Variants in PTGDS observed in about 807,000 individuals in gnomAD.
PTGDS encodes the protein prostaglandin-H2 D-isomerase.
PTGDS carries 21 observed loss-of-function variants against 28.4 expected under a neutral mutation model. That is an observed-to-expected ratio of 0.74 (90% CI 0.52 to 1.07). The LOEUF (loss-of-function observed/expected upper bound fraction) is 1.07. Ranked by LOEUF, PTGDS falls within the 50% of genes least tolerant of loss-of-function variation. PTGDS has a pLI of 0.00. For synonymous variants in PTGDS, 102 were observed against 106.0 expected (o/e 0.96, Z 0.23); for missense variants, 243 against 247.7 (o/e 0.98, Z 0.13).
intron 1 of PTGDS, among the ~76,000 whole-genome samples, 198 bp downstream of exon 1, chr9:136,977,890 G>A (rs1307931126): frequency 6.6e-6 from 1 of 152,164 alleles, no homozygotes; most frequent in Admixed American, 6.5e-5. Flanking sequence ...GCCCTCCCTG[G>A]GCACCGCGTC....
chr9:136,980,124 A>T (rs780248448), intron 4 of PTGDS, 59 bp from the exon 5 acceptor site: 18 of 1,607,628 alleles, frequency 1.1e-5, no homozygotes, highest in Non-Finnish European at 1.5e-5. Flanking sequence ...CCCAAGACCC[A>T]GGGCAGGGCA....
At position 136,980,191 on chromosome 9, in the gene PTGDS, C is replaced by G; in HGVS notation, c.457C>G (p.Gln153Glu). The G allele has an allele frequency of 6.2e-7, 1 of 1,613,896 alleles. No homozygotes were observed. The highest frequency in any genetic ancestry group is 8.5e-7 in the Non-Finnish European group (1 of 1,179,968). ...TCTCCACCCTGTCCCAGGCCGAACC[C>G]AGACCCCCAGGGCTGAGTTAAAGGA... ...FRMATLYSRT[Q>E]TPRAELKEKF... The change falls in exon 5 of 7, where the codon CAG becomes GAG. Residue 153 changes from glutamine (Q) to glutamate (E), a missense_variant. Coordinates refer to ENST00000371625, the MANE Select transcript of PTGDS (RefSeq NM_000954.6).
At chr9:136,979,592 C>A in intron 3 of PTGDS, 1 of 803,302 alleles carries the variant, frequency 1.2e-6, no homozygotes, top group Non-Finnish European at 1.9e-6. Flanking sequence ...AAGGCCCCTC[C>A]ATATGCCTCC....
At chr9:136,977,787 G>A (rs1830386807) in intron 1 of PTGDS, 95 bp downstream of exon 1, 7 of 1,196,862 alleles carry the variant, frequency 5.8e-6, no homozygotes, top group Non-Finnish European at 8.1e-6. Flanking sequence ...AGGAGTGAGC[G>A]AAGTCCCGCA....
At chr9:136,980,780 A>T (rs752516418) in intron 5 of PTGDS, 53 bp from the exon 6 acceptor site, 1 of 1,613,778 alleles carries the variant, frequency 6.2e-7, no homozygotes, top group East Asian at 2.2e-5. Flanking sequence ...CCAGTGGGAA[A>T]ATTGGCCTAA....
rs752969980 is a variant in PTGDS, at chr9:136,978,873, G to A, written c.115-120G>A. ...GAGGGGCGTGGCTGCTCGGGGGATT[G>A]GGCGTGGGGGCGGGGCCGGGTTGGA... On this transcript the variant is annotated intron_variant, in intron 1 of 6. Coordinates refer to ENST00000371625, the MANE Select transcript of PTGDS (RefSeq NM_000954.6). 1.4e-5 allele frequency: 20 copies of A among 1,423,888 alleles called. No homozygotes were observed. In the East Asian group the frequency reaches 4.2e-4, roughly 30 times the overall value. The allele number at this position is 1,423,888 out of a possible 1,614,324, so 88.2% of individuals were successfully genotyped here.
chr9:136,980,739 C>G, intron 5 of PTGDS, 94 bp from the exon 6 acceptor site: 1 of 1,613,330 alleles, frequency 6.2e-7, no homozygotes, highest in Non-Finnish European at 8.5e-7. Flanking sequence ...TCAGTCAAGA[C>G]GAGCTCTGCG....
chr9:136,980,933 T>C (rs1830441372), intron 6 of PTGDS, 78 bp downstream of exon 6: 1 of 1,509,074 alleles, frequency 6.6e-7, no homozygotes, highest in East Asian at 2.4e-5. Context: ...CACTCTGCGA[T>C]GGGATGGATC....
At chr9:136,978,539 CG>C (rs1258199791) in intron 1 of PTGDS, among the ~76,000 whole-genome samples, 9 of 32,894 alleles carry the variant, frequency 2.7e-4, no homozygotes, top group Admixed American at 3.9e-4. Context: ...CGGGGCGGGG[CG>C]GGGGCCTGAT....
intron 5 of PTGDS, 70 bp from the exon 6 acceptor site, chr9:136,980,763 A>G (rs754675974): frequency 3.3e-5 from 53 of 1,613,922 alleles, no homozygotes; most frequent in Non-Finnish European, 4.2e-5. Flanking sequence ...CGGGAGGAAC[A>G]GGAAGCCCAG....
intron 5 of PTGDS, 131 bp downstream of exon 5, chr9:136,980,415 G>A: frequency 1.9e-6 from 2 of 1,054,414 alleles, no homozygotes; most frequent in Non-Finnish European, 2.7e-6. Context: ...GGGACAGAGG[G>A]GGTGAGTGTT....
Position 136,980,404 on chromosome 9 carries a change from A to G in PTGDS, c.550+120A>G, listed in dbSNP as rs542593709. The G allele has an allele frequency of 8.8e-4, 973 of 1,109,550 alleles. 4 individuals are homozygous for G. The highest frequency in any genetic ancestry group is 1.1e-3 in the Non-Finnish European group (880 of 779,152). The allele number at this position is 1,109,550 out of a possible 1,614,324, so 68.7% of individuals were successfully genotyped here. A position where few individuals can be genotyped will look rare whatever the true frequency, so the allele number is the denominator to read the frequency against. ...CCCCGCCCTGCTCGAGGCCTGGGCC[A>G]GGGACAGAGGGGGTGAGTGTTCAAG... On this transcript the variant is annotated intron_variant, in intron 5 of 6. Transcript: ENST00000371625.
chr9:136,981,599 G>A lies in PTGDS; in HGVS notation c.*21G>A, dbSNP rs952343988. On this transcript the variant is annotated 3_prime_UTR_variant, in exon 7 of 7. Coordinates refer to ENST00000371625, the MANE Select transcript of PTGDS (RefSeq NM_000954.6). Reference sequence around the variant, plus strand: ...CTCAGGACTCCCCAGGGCTGAAGCTGGGATCCCGGCCAGCCAGGTGACCCC... The same window carrying A: ...CTCAGGACTCCCCAGGGCTGAAGCTAGGATCCCGGCCAGCCAGGTGACCCC... 6.6e-6 allele frequency: 1 copy of A among 152,358 alleles called. No individual in the cohort carries two copies. The highest frequency in any genetic ancestry group is 2.4e-5 in the African/African-American group (1 of 41,410). 9.4% of individuals were successfully genotyped at this position (152,358 alleles called of 1,614,324 possible).
At position 136,977,505 on chromosome 9, in the gene PTGDS, C is replaced by A; in HGVS notation, c.-74C>A. ...ATAGGGGTCTCCTCAGTGCCCTCCG[C>A]TCCTCCTGCACACCTCCCTCGCTCT... On this transcript the variant is annotated 5_prime_UTR_variant, in exon 1 of 7. Coordinates refer to ENST00000371625, the MANE Select transcript of PTGDS (RefSeq NM_000954.6). The A allele has an allele frequency of 8.6e-7, 1 of 1,160,894 alleles. No individual in the cohort carries two copies. Among genetic ancestry groups the A allele is most frequent in the Non-Finnish European group, 1.2e-6 (1 of 827,512 alleles). 71.9% of individuals were successfully genotyped at this position (1,160,894 alleles called of 1,614,324 possible).
chr9:136,981,015 C>T, intron 6 of PTGDS, 160 bp downstream of exon 6: 3 of 1,066,516 alleles, frequency 2.8e-6, no homozygotes, highest in Non-Finnish European at 4.0e-6. Context: ...GGGCGGGAGA[C>T]ACTGGGGCTG....
intron 3 of PTGDS, 37 bp downstream of exon 3, chr9:136,979,336 T>TG: frequency 6.3e-7 from 1 of 1,594,962 alleles, no homozygotes; most frequent in Non-Finnish European, 8.5e-7. Flanking sequence ...GGGCCCAGCC[T>TG]GGGGGCGACA....
At chr9:136,978,550 T>C (rs1243142780) in intron 1 of PTGDS, among the ~76,000 whole-genome samples, 1 of 9,410 alleles carries the variant, frequency 1.1e-4, no homozygotes, top group African/African-American at 4.5e-4. Context: ...GGGGGCCTGA[T>C]GGGCGTGGTC....
intron 2 of PTGDS, 28 bp from the exon 3 acceptor site, chr9:136,979,195 C>G (rs1400608309): frequency 6.2e-7 from 1 of 1,613,022 alleles, no homozygotes; most frequent in East Asian, 2.2e-5. Context: ...CGGGCCTAAC[C>G]CCTGACCCTG....
In PTGDS at chr9:136,979,967, T is replaced by C; in HGVS notation, c.353T>C (p.Val118Ala). The C allele has an allele frequency of 1.2e-6, 2 of 1,613,272 alleles. No homozygotes were observed. Among genetic ancestry groups the C allele is most frequent in the Middle Eastern group, 1.7e-4 (1 of 6,060 alleles). ...RSPHWGSTYS[V>A]SVVETDYDQY... ...CCAGACTGGGGCAGCACCTACTCCG[T>C]GTCAGTGGTGGAGACCGACTACGAC... Residue 118 changes from valine to alanine, a missense_variant, in exon 4 of 7, where the codon GTG becomes GCG. Coordinates refer to ENST00000371625, the MANE Select transcript of PTGDS (RefSeq NM_000954.6).
Sources: gnomAD v4.1 joint callset for allele counts (sites outside exome capture counted in the v4.1 genomes callset) on GRCh38, gnomAD v4.1.1 for gene constraint, MANE v1.5 for transcripts, NCBI Gene and HGNC (gene_info 2026-07-23, HGNC 2026-07-21) for gene names.